The following BICD1 variants were observed in gnomAD, a reference collection of about 807,000 sequenced individuals.
BICD1 encodes the protein protein bicaudal D homolog 1.
Under a neutral mutation model 92.5 loss-of-function variants are expected in BICD1, and 35 were observed. The observed-to-expected ratio is 0.38, with a 90% CI of 0.29 to 0.50. The LOEUF is 0.50. BICD1 is among the 20% of genes least tolerant of loss of function. The pLI is 0.93. For missense variants in BICD1, 950 were observed against 1,189.8 expected (o/e 0.80, Z 2.97); for synonymous variants, 429 against 465.1 (o/e 0.92, Z 1.00).
chr12:32,226,725 C>T (rs1221464741), intron 2 of BICD1, among the ~76,000 whole-genome samples: 1 of 152,188 alleles, frequency 6.6e-6, no homozygotes. Flanking sequence ...CATGCATTCT[C>T]CTGTCCCAGT....
intron 1 of BICD1, among the ~76,000 whole-genome samples, chr12:32,138,248 A>G (rs933433813): frequency 6.6e-6 from 1 of 152,328 alleles, no homozygotes; most frequent in Admixed American, 6.5e-5. Context: ...CATAGATGAG[A>G]AAATTGCAGC....
intron 1 of BICD1, among the ~76,000 whole-genome samples, chr12:32,211,528 T>A (rs1945214800): frequency 1.3e-5 from 2 of 152,192 alleles, no homozygotes; most frequent in African/African-American, 2.4e-5. Flanking sequence ...TAAATTCACT[T>A]GCTCTTAAGA....
chr12:32,326,037 C>T (rs2388990), intron 4 of BICD1, among the ~76,000 whole-genome samples: 119,258 of 144,708 alleles, frequency 0.82, 49,307 homozygotes, highest in East Asian at 0.87. Context: ...GAGCCGAGAT[C>T]GCGCCACTGC....
chr12:32,166,952 A>G (rs1234089090), intron 1 of BICD1, among the ~76,000 whole-genome samples: 2 of 152,268 alleles, frequency 1.3e-5, no homozygotes, highest in East Asian at 1.9e-4. Flanking sequence ...GGTAGCTAGT[A>G]TCAACATAGA....
At chr12:32,315,394 A>G (rs1383948546) in intron 4 of BICD1, among the ~76,000 whole-genome samples, 1 of 152,184 alleles carries the variant, frequency 6.6e-6, no homozygotes. Flanking sequence ...TTGAAATAGG[A>G]AAGTTTGCTA....
At chr12:32,302,062 A>G (rs1827814566) in intron 3 of BICD1, among the ~76,000 whole-genome samples, 1 of 151,782 alleles carries the variant, frequency 6.6e-6, no homozygotes, top group African/African-American at 2.4e-5. Flanking sequence ...AATTTTTTGT[A>G]TTTTTAGTAG....
At chr12:32,208,628 C>T (rs75193006) in intron 1 of BICD1, among the ~76,000 whole-genome samples, 5,079 of 152,176 alleles carry the variant, frequency 0.033, 106 homozygotes, top group Non-Finnish European at 0.047. Flanking sequence ...TTTCTCCTGG[C>T]TGGGTACTTC....
At chr12:32,199,068 G>C (rs1210624218) in intron 1 of BICD1, among the ~76,000 whole-genome samples, 1 of 152,162 alleles carries the variant, frequency 6.6e-6, no homozygotes, top group Admixed American at 6.5e-5. Context: ...ATTTGAGGCT[G>C]TTGGGGGATG....
At position 32,328,086 on chromosome 12, in the gene BICD1, C is replaced by A; in HGVS notation, c.1631C>A (p.Thr544Asn). 1 of 1,614,148 alleles carries A rather than the reference C, an allele frequency of 6.2e-7. No individual in the cohort carries two copies. The highest frequency in any genetic ancestry group is 8.5e-7 in the Non-Finnish European group (1 of 1,180,020). ...GATTACTATAGGCAGAGCAGAGTCA[C>A]CCGCAGTGGCAGCCTGAAAGGGCCC... ...MLDYYRQSRVTRSGSLKGPDD... is the reference protein window; with the variant it reads ...MLDYYRQSRVNRSGSLKGPDD... The change falls in exon 5 of 10, where the codon ACC (threonine) becomes AAC (asparagine). Residue 544 changes from threonine to asparagine, a missense_variant. Around this residue, in one of 5 missense-constraint regions of BICD1, gnomAD observed 309 missense variants for 499.4 expected, o/e 0.62. Coordinates refer to ENST00000652176, the MANE Select transcript of BICD1 (RefSeq NM_001714.4). This position sits in a 1 kb window ranked among gnomAD's most constrained non-coding sequence, Gnocchi z 4.4.
At position 32,136,987 on chromosome 12, in the gene BICD1, G is replaced by C. The variant is rs542669718; in HGVS notation, c.213+29443G>C. Among the ~76,000 whole-genome samples the C allele has an allele frequency of 2.0e-5, 3 of 152,310 alleles. No homozygotes were observed. The East Asian group carries it at 5.8e-4, about 29-fold the overall frequency. Reference sequence around the variant, plus strand: ...AGCTTTGCTTATGGCTCCAGAAGTGGCCATTAATACCTGGAGCTAAAACAC... The same window carrying C: ...AGCTTTGCTTATGGCTCCAGAAGTGCCCATTAATACCTGGAGCTAAAACAC... On this transcript the variant is annotated intron_variant, in intron 1 of 9. Transcript: ENST00000652176.
intron 8 of BICD1, among the ~76,000 whole-genome samples, chr12:32,345,482 A>G (rs56386122): frequency 0.063 from 9,529 of 152,148 alleles, 428 homozygotes; most frequent in Middle Eastern, 0.13. Flanking sequence ...CATTCTATAC[A>G]TATATAAGGA....
At chr12:32,221,110 G>A (rs201294715) in intron 2 of BICD1, among the ~76,000 whole-genome samples, 16 of 122,508 alleles carry the variant, frequency 1.3e-4, no homozygotes, top group African/African-American at 4.5e-4. Context: ...GGGGGGAGGG[G>A]GAGGGATATC....
At chr12:32,113,918 C>T (rs7979543) in intron 1 of BICD1, among the ~76,000 whole-genome samples, 17,945 of 151,822 alleles carry the variant, frequency 0.12, 1,515 homozygotes, top group African/African-American at 0.24. Context: ...GTCGCCTAGG[C>T]TGGAGTGCAG....
At chr12:32,150,019 GTA>G (rs1943242883) in intron 1 of BICD1, among the ~76,000 whole-genome samples, 2 of 152,138 alleles carry the variant, frequency 1.3e-5, no homozygotes, top group Admixed American at 6.5e-5. Context: ...AAGACCAAAG[GTA>G]CATCTTACAT....
chr12:32,309,786 T>A (rs546844868), intron 4 of BICD1, among the ~76,000 whole-genome samples: 25 of 152,294 alleles, frequency 1.6e-4, no homozygotes, highest in African/African-American at 4.3e-4. Context: ...CATTTTTTTT[T>A]ATTATTATTA....
At chr12:32,146,967 T>C (rs918920129) in intron 1 of BICD1, among the ~76,000 whole-genome samples, 1 of 151,562 alleles carries the variant, frequency 6.6e-6, no homozygotes, top group South Asian at 2.1e-4. Flanking sequence ...TTTGAGACAG[T>C]CTTGCTCTGT....
chr12:32,142,468 A>ATCTATCTATCTATCTATCTATCTATCGG (rs1359344807), intron 1 of BICD1, among the ~76,000 whole-genome samples: 2,350 of 116,892 alleles, frequency 0.02, 35 homozygotes, highest in African/African-American at 0.043. Context: ...CTATCTATCT[A>ATCTATCTATCTATCTATCTATCTATCGG]TCTATCTATC....
chr12:32,141,648 A>AT (rs1175919715), intron 1 of BICD1, among the ~76,000 whole-genome samples: 1 of 151,986 alleles, frequency 6.6e-6, no homozygotes, highest in Non-Finnish European at 1.5e-5. Context: ...TAATTTTTCT[A>AT]TTTTTAGTAG....
At chr12:32,319,929 C>T (rs890952531) in intron 4 of BICD1, among the ~76,000 whole-genome samples, 1 of 152,104 alleles carries the variant, frequency 6.6e-6, no homozygotes, top group Non-Finnish European at 1.5e-5. Flanking sequence ...AGTCTTCGTC[C>T]AGTTGACTGA....
Sources: gnomAD v4.1 joint callset for allele counts (sites outside exome capture counted in the v4.1 genomes callset) on GRCh38, gnomAD v4.1.1 for gene constraint, gnomAD v4.1.1 regional missense constraint, Gnocchi (gnomAD v3.1) non-coding constraint, MANE v1.5 for transcripts, NCBI Gene and HGNC (gene_info 2026-07-23, HGNC 2026-07-21) for gene names.